The following RYR3 variants were observed in gnomAD, a reference collection of about 807,000 sequenced individuals.
RYR3 encodes the protein ryanodine receptor 3, also known as brain ryanodine receptor-calcium release channel.
Under a neutral mutation model 584.3 loss-of-function variants are expected in RYR3, and 207 were observed. The observed-to-expected ratio is 0.35, with a 90% CI of 0.32 to 0.40. The LOEUF is 0.40. Among genes scored for constraint, RYR3 ranks in the 10% least tolerant of loss-of-function variants. The pLI, the probability that RYR3 is intolerant of heterozygous loss-of-function variation, is 1.00. For missense variants in RYR3, 5,616 were observed against 6,089.2 expected (o/e 0.92, Z 2.59); for synonymous variants, 2,416 against 2,248.5 (o/e 1.07, Z -2.11).
chr15:33,788,946 G>T (rs2074916489), intron 67 of RYR3, among the ~76,000 whole-genome samples: 1 of 152,200 alleles, frequency 6.6e-6, no homozygotes, highest in African/African-American at 2.4e-5. Context: ...GGGGTAAGGG[G>T]AATTAGGAGG....
intron 1 of RYR3, among the ~76,000 whole-genome samples, chr15:33,437,986 A>C (rs901239176): frequency 6.6e-6 from 1 of 152,056 alleles, no homozygotes; most frequent in African/African-American, 2.4e-5. Flanking sequence ...CCTCCCAAAT[A>C]TCTATATATT....
chr15:33,807,187 T>C (rs1376139647), intron 69 of RYR3, among the ~76,000 whole-genome samples: 1 of 152,180 alleles, frequency 6.6e-6, no homozygotes, highest in Non-Finnish European at 1.5e-5. Context: ...AGATTGTCTA[T>C]AGCCCACCCA....
chr15:33,401,872 G>T (rs1331725534), intron 1 of RYR3, among the ~76,000 whole-genome samples: 1 of 152,112 alleles, frequency 6.6e-6, no homozygotes, highest in East Asian at 1.9e-4. Flanking sequence ...TTATCTCTGG[G>T]TGGGGGCAAT....
chr15:33,838,447 T>C lies in RYR3; in HGVS notation c.12467T>C (p.Phe4156Ser). ...CASVKRNVTD[F>S]LKRATLKNLR... is the part of the protein sequence containing the mutation. ...TCTGTGAAGAGGAATGTCACCGACT[T>C]CCTGAAGAGAGCAACCCTGAAGAAC... is the stretch of plus-strand genomic sequence containing the variant. The change falls in exon 89 of 104, where the codon TTC (phenylalanine) becomes TCC (serine). Residue 4156 changes from phenylalanine to serine, a missense_variant. Coordinates refer to ENST00000634891, the MANE Select transcript of RYR3 (RefSeq NM_001036.6). 2 of 1,614,022 alleles carry C rather than the reference T, an allele frequency of 1.2e-6. No individual in the cohort carries two copies. The highest frequency in any genetic ancestry group is 1.7e-6 in the Non-Finnish European group (2 of 1,179,892).
intron 16 of RYR3, among the ~76,000 whole-genome samples, chr15:33,597,134 A>T (rs191635813): frequency 6.6e-6 from 1 of 152,318 alleles, no homozygotes; most frequent in African/African-American, 2.4e-5. Context: ...AAAAGCAAAG[A>T]TTATTCTGTT....
In RYR3 at chr15:33,857,771, C is replaced by A; in HGVS notation, c.14008-9C>A. The A allele has an allele frequency of 1.2e-6, 2 of 1,614,006 alleles. No individual in the cohort carries two copies. Among genetic ancestry groups the A allele is most frequent in the Non-Finnish European group, 1.7e-6 (2 of 1,179,876 alleles). The stretch of plus-strand genomic sequence containing the variant: ...ACTCCTTTTCCTTTCTCTGTCCTCT[C>A]ATTCCCAGTTGGTTCTGACTGTCGG... On this transcript the variant is annotated splice_polypyrimidine_tract_variant and intron_variant, in intron 98 of 103. Coordinates refer to ENST00000634891, the MANE Select transcript of RYR3 (RefSeq NM_001036.6).
chr15:33,669,164 TTAA>T (rs1214585782), intron 36 of RYR3, among the ~76,000 whole-genome samples, 187 bp from the exon 37 acceptor site: 2 of 151,966 alleles, frequency 1.3e-5, no homozygotes, highest in Non-Finnish European at 2.9e-5. Context: ...TGTTATACAA[TTAA>T]TAAGTTACTT....
In RYR3 at chr15:33,333,692, G is replaced by A. The variant is rs112968597; in HGVS notation, c.51+22596G>A. 8.3e-3 allele frequency among the ~76,000 whole-genome samples: 1,258 copies of A among 152,158 alleles called. 16 individuals carry two copies. Among genetic ancestry groups the A allele is most frequent in the African/African-American group, 0.029 (1,219 of 41,524 alleles). On this transcript the variant is annotated intron_variant, in intron 1 of 103. Transcript: ENST00000634891. ...CAGCGTAGTATTGGAAGTTCTGGCC[G>A]GGACAATCAGGCAAGAGAAAGAAAT...
chr15:33,472,601 G>C lies in RYR3; in HGVS notation c.52-818G>C, dbSNP rs113653161. Among the ~76,000 whole-genome samples, 171 of 152,318 alleles carry C rather than the reference G, an allele frequency of 1.1e-3. No homozygotes were observed. In the South Asian group the frequency reaches 0.016, roughly 15 times the overall value. On this transcript the variant is annotated intron_variant, in intron 1 of 103. Coordinates refer to ENST00000634891, the MANE Select transcript of RYR3 (RefSeq NM_001036.6). ...AGGGAGCATGGCCTGACAGATAGGA[G>C]GGGCAGGAATGGAAGGATTAGTAAG...
chr15:33,609,748 C>T (rs754700235), intron 18 of RYR3, among the ~76,000 whole-genome samples: 17 of 152,124 alleles, frequency 1.1e-4, no homozygotes, highest in Non-Finnish European at 1.8e-4. Flanking sequence ...AAAAGTGAGA[C>T]AATTACTGCA....
chr15:33,723,433 G>A (rs1474771228), intron 44 of RYR3, among the ~76,000 whole-genome samples: 1 of 152,188 alleles, frequency 6.6e-6, no homozygotes, highest in Admixed American at 6.5e-5. Flanking sequence ...AAATGTTAAG[G>A]ATATAGTTGG....
At chr15:33,734,604 A>G (rs886938646) in intron 48 of RYR3, among the ~76,000 whole-genome samples, 12 of 152,092 alleles carry the variant, frequency 7.9e-5, no homozygotes, top group Admixed American at 5.2e-4. Flanking sequence ...GCTGTTTCCT[A>G]ATAACAAAGT....
At chr15:33,406,132 G>C (rs1465476776) in intron 1 of RYR3, among the ~76,000 whole-genome samples, 1 of 152,026 alleles carries the variant, frequency 6.6e-6, no homozygotes, top group African/African-American at 2.4e-5. Context: ...AATGGCAGTA[G>C]GGAGGTGGGA....
chr15:33,747,481 G>T (rs894067154), intron 53 of RYR3, among the ~76,000 whole-genome samples: 6 of 123,802 alleles, frequency 4.8e-5, no homozygotes, highest in Admixed American at 1.0e-4. Context: ...CTAGAGTGCT[G>T]TGGTGCAATC....
intron 12 of RYR3, among the ~76,000 whole-genome samples, chr15:33,573,246 G>T (rs1232535415): frequency 6.6e-6 from 1 of 152,130 alleles, no homozygotes; most frequent in Non-Finnish European, 1.5e-5. Context: ...GGCTGCAAAA[G>T]TTACAGTGTT....
intron 13 of RYR3, among the ~76,000 whole-genome samples, chr15:33,580,717 G>A (rs2058545679): frequency 6.6e-6 from 1 of 152,180 alleles, no homozygotes; most frequent in Non-Finnish European, 1.5e-5. Flanking sequence ...ACTCGGAGAT[G>A]TGATGATTTA....
chr15:33,484,117 C>G (rs1269884948), intron 2 of RYR3, among the ~76,000 whole-genome samples: 1 of 151,694 alleles, frequency 6.6e-6, no homozygotes, highest in Non-Finnish European at 1.5e-5. Flanking sequence ...ATTACCTGAA[C>G]CAGAACCTCA....
intron 20 of RYR3, 47 bp from the exon 21 acceptor site, chr15:33,628,424 T>C (rs1300759631): frequency 1.3e-5 from 17 of 1,357,504 alleles, no homozygotes; most frequent in Non-Finnish European, 1.8e-5. Flanking sequence ...GATTTTATGA[T>C]AGGTTTCAAA....
chr15:33,861,307 T>C (rs1400220641), intron 102 of RYR3, 129 bp downstream of exon 102: 5 of 610,112 alleles, frequency 8.2e-6, no homozygotes, highest in African/African-American at 7.4e-5. Context: ...CATGAGCCTG[T>C]ACCTTTGTCC....
Sources: gnomAD v4.1 joint callset for allele counts (sites outside exome capture counted in the v4.1 genomes callset) on GRCh38, gnomAD v4.1.1 for gene constraint, MANE v1.5 for transcripts, NCBI Gene and HGNC (gene_info 2026-07-23, HGNC 2026-07-21) for gene names.